SLC6A15: variants seen among roughly 807,000 people sequenced by gnomAD.
The protein encoded by SLC6A15 is solute carrier family 6 member 15, also known as sodium-dependent neutral amino acid transporter B(0)AT2.
SLC6A15 carries 33 observed loss-of-function variants against 68.5 expected under a neutral mutation model. The ratio of observed to expected loss-of-function variants is 0.48; its 90% confidence interval spans 0.37 to 0.64. The LOEUF (loss-of-function observed/expected upper bound fraction) is 0.64. Ranked by LOEUF, SLC6A15 falls within the 30% of genes least tolerant of loss-of-function variation. The probability of loss-of-function intolerance (pLI) is 0.00; values close to 1 mark genes in which losing one functional copy is unlikely to be tolerated. For synonymous variants in SLC6A15, 347 were observed against 301.0 expected (o/e 1.15, Z -1.58); for missense variants, 747 against 874.3 (o/e 0.85, Z 1.84).
chr12:84,910,217 T>C (rs964521645), intron 1 of SLC6A15, among the ~76,000 whole-genome samples: 6 of 152,110 alleles, frequency 3.9e-5, no homozygotes, highest in African/African-American at 1.4e-4. Context: ...AACTATATAA[T>C]GTGCAATCAG....
intron 1 of SLC6A15, among the ~76,000 whole-genome samples, chr12:84,897,446 A>G (rs1872678159): frequency 6.6e-6 from 1 of 152,080 alleles, no homozygotes; most frequent in Non-Finnish European, 1.5e-5. Flanking sequence ...ATAAAACACA[A>G]AATACTAAAA....
At chr12:84,888,239 C>G (rs181636180) in intron 2 of SLC6A15, among the ~76,000 whole-genome samples, 5,654 of 118,590 alleles carry the variant, frequency 0.048, 370 homozygotes, top group African/African-American at 0.17. Context: ...ACTCCAGTCT[C>G]GGTGACAGAG....
chr12:84,898,322 A>G (rs994392953), intron 1 of SLC6A15, among the ~76,000 whole-genome samples: 2 of 152,222 alleles, frequency 1.3e-5, no homozygotes, highest in African/African-American at 4.8e-5. Flanking sequence ...CCTGGGTGAC[A>G]GAGTGAGATC....
intron 1 of SLC6A15, among the ~76,000 whole-genome samples, chr12:84,893,707 G>A (rs975303355): frequency 3.9e-5 from 6 of 152,140 alleles, no homozygotes; most frequent in Non-Finnish European, 7.4e-5. Context: ...TAATCTTAAT[G>A]AGCAAGACAA....
intron 2 of SLC6A15, among the ~76,000 whole-genome samples, chr12:84,890,970 T>G (rs1036501008): frequency 6.6e-6 from 1 of 152,164 alleles, no homozygotes; most frequent in Middle Eastern, 3.2e-3. Flanking sequence ...TAATATTTCA[T>G]ATACATAGAT....
intron 5 of SLC6A15, among the ~76,000 whole-genome samples, chr12:84,877,709 G>A (rs1361984396): frequency 6.6e-6 from 1 of 152,090 alleles, no homozygotes; most frequent in Admixed American, 6.6e-5. Context: ...CCAAAATAAG[G>A]TGATGCCTTT....
At chr12:84,879,081 ATCAG>A (rs1352611778) in intron 5 of SLC6A15, among the ~76,000 whole-genome samples, 1 of 151,914 alleles carries the variant, frequency 6.6e-6, no homozygotes, top group African/African-American at 2.4e-5. Flanking sequence ...CTCCAATATC[ATCAG>A]TCAACTTGCA....
intron 3 of SLC6A15, 152 bp downstream of exon 3, chr12:84,885,759 T>C (rs1203992587): frequency 1.1e-6 from 1 of 950,964 alleles, no homozygotes; most frequent in Non-Finnish European, 1.5e-6. Context: ...GCTATATTAA[T>C]ATTTATAGTT....
chr12:84,882,539 G>T, intron 5 of SLC6A15: 1 of 823,650 alleles, frequency 1.2e-6, no homozygotes, highest in Non-Finnish European at 1.5e-6. Flanking sequence ...AGGAAGCAAA[G>T]ATGAATTAGA....
intron 2 of SLC6A15, among the ~76,000 whole-genome samples, chr12:84,887,031 C>A (rs1872142294): frequency 1.3e-5 from 2 of 152,188 alleles, no homozygotes; most frequent in Non-Finnish European, 2.9e-5. Flanking sequence ...CATTCTCAAA[C>A]TACCCAGCTC....
intron 1 of SLC6A15, among the ~76,000 whole-genome samples, chr12:84,895,337 G>GTTT (rs1362312029): frequency 7.6e-5 from 5 of 65,420 alleles, no homozygotes; most frequent in African/African-American, 2.1e-4. Context: ...ATTTTTGTTT[G>GTTT]TATTTTTTTT....
rs1337396692 is a variant in SLC6A15, at chr12:84,870,401, C to A, written c.1495+77G>T. ...AAAACTCAAAATATAAGACTTTCCA[C>A]TTTTCATCTCTAATCTTTCACCAAG... On this transcript the variant is annotated intron_variant, in intron 9 of 11. Coordinates refer to ENST00000266682, the MANE Select transcript of SLC6A15 (RefSeq NM_182767.6). The A allele has an allele frequency of 3.8e-6, 4 of 1,041,630 alleles. No homozygotes were observed. In the South Asian group the frequency reaches 1.1e-4, roughly 28 times the overall value. The allele number at this position is 1,041,630 out of a possible 1,614,324, so 64.5% of individuals were successfully genotyped here.
intron 3 of SLC6A15, 71 bp downstream of exon 3, chr12:84,885,840 C>T: frequency 1.4e-6 from 2 of 1,421,670 alleles, no homozygotes; most frequent in Non-Finnish European, 1.9e-6. Flanking sequence ...TCCAAAGTTT[C>T]ATTTAAATGT....
chr12:84,889,651 A>G (rs1362242546), intron 2 of SLC6A15, among the ~76,000 whole-genome samples: 1 of 152,166 alleles, frequency 6.6e-6, no homozygotes. Flanking sequence ...AACATGTACT[A>G]TTTGCCAGCC....
chr12:84,873,535 TGGA>T (rs1421250432), intron 6 of SLC6A15, among the ~76,000 whole-genome samples: 1 of 152,184 alleles, frequency 6.6e-6, no homozygotes, highest in Non-Finnish European at 1.5e-5. Context: ...GTCCTTTACA[TGGA>T]GATTTTAAGT....
intron 1 of SLC6A15, among the ~76,000 whole-genome samples, chr12:84,911,188 C>T (rs1873441668): frequency 1.3e-5 from 2 of 152,226 alleles, no homozygotes; most frequent in South Asian, 2.1e-4. Flanking sequence ...GCTGGCACAG[C>T]AGAAAAGCAA....
intron 5 of SLC6A15, 154 bp downstream of exon 5, chr12:84,883,705 C>A: frequency 6.4e-7 from 1 of 1,558,310 alleles, no homozygotes; most frequent in Admixed American, 1.9e-5. Flanking sequence ...AAAATGTAAG[C>A]ACACTTTTGA....
chr12:84,881,967 G>C, intron 5 of SLC6A15: 1 of 983,136 alleles, frequency 1.0e-6, no homozygotes, highest in Non-Finnish European at 1.2e-6. Flanking sequence ...GTCTTTTCCT[G>C]AGGCATTCTC....
intron 1 of SLC6A15, among the ~76,000 whole-genome samples, chr12:84,898,752 G>T (rs2120706601): frequency 6.6e-6 from 1 of 152,256 alleles, no homozygotes; most frequent in Admixed American, 6.5e-5. Context: ...TGTTGTAGAT[G>T]CTTCTGTAAT....
Sources: gnomAD v4.1 joint callset for allele counts (sites outside exome capture counted in the v4.1 genomes callset) on GRCh38, gnomAD v4.1.1 for gene constraint, MANE v1.5 for transcripts, NCBI Gene and HGNC (gene_info 2026-07-23, HGNC 2026-07-21) for gene names.